The following ETV7 variants were observed in gnomAD, a reference collection of about 807,000 sequenced individuals.
The protein encoded by ETV7 is transcription factor ETV7.
ETV7 carries 43 observed loss-of-function variants against 39.1 expected under a neutral mutation model. That is an observed-to-expected ratio of 1.10 (90% CI 0.86 to 1.42). ETV7 has a LOEUF of 1.42. Among genes scored for constraint, ETV7 ranks in the 40% most tolerant of loss-of-function variants. The pLI is 0.00. For synonymous variants in ETV7, 196 were observed against 176.6 expected (o/e 1.11, Z -0.87); for missense variants, 432 against 442.3 (o/e 0.98, Z 0.21).
At chr6:36,362,869 A>G (rs565160316), downstream of ETV7, among the ~76,000 whole-genome samples, 1 of 152,184 alleles carries the variant, frequency 6.6e-6, no homozygotes, top group South Asian at 2.1e-4. Flanking sequence ...ACATCCATCA[A>G]CCCACCAGCA....
downstream of ETV7, among the ~76,000 whole-genome samples, chr6:36,365,812 G>A (rs964895591): frequency 6.6e-6 from 1 of 152,144 alleles, no homozygotes; most frequent in African/African-American, 2.4e-5. Context: ...CCTGAATGCC[G>A]AGTGAATTAA....
downstream of ETV7, chr6:36,366,155 C>T: frequency 2.0e-6 from 2 of 984,556 alleles, no homozygotes; most frequent in Non-Finnish European, 1.2e-6. Context: ...CCCTGGGTGA[C>T]AGCGCAAGAC....
chr6:36,366,163 G>A, downstream of ETV7: 1 of 997,970 alleles, frequency 1.0e-6, no homozygotes, highest in South Asian at 4.3e-5. Context: ...GACAGCGCAA[G>A]ACTGTCTCAA....
At chr6:36,383,431 A>T (rs915703586) in intron 2 of ETV7, among the ~76,000 whole-genome samples, 12 of 152,192 alleles carry the variant, frequency 7.9e-5, no homozygotes, top group African/African-American at 2.4e-4. Context: ...CTACAGGAAA[A>T]TAACTTCCGT....
intron 2 of ETV7, 58 bp from the exon 3 acceptor site, chr6:36,376,093 A>G: frequency 6.7e-7 from 1 of 1,495,218 alleles, no homozygotes. Flanking sequence ...AAAGAAGCCC[A>G]CCCTGAACAC....
chr6:36,385,405 GA>G, intron 2 of ETV7, 128 bp downstream of exon 2: 1 of 1,106,868 alleles, frequency 9.0e-7, no homozygotes, highest in Non-Finnish European at 1.3e-6. Context: ...GCTGGAAGTT[GA>G]AGGTGCAGTG....
In ETV7 at chr6:36,378,814, C is replaced by T. The variant is rs556402068; in HGVS notation, c.143-2779G>A. Among the ~76,000 whole-genome samples the T allele has an allele frequency of 5.2e-4, 79 of 152,328 alleles. No homozygotes were observed. The South Asian group carries it at 0.012, about 22-fold the overall frequency. On this transcript the variant is annotated intron_variant, in intron 2 of 7. Coordinates refer to ENST00000340181, the MANE Select transcript of ETV7 (RefSeq NM_016135.4). ...TAACAACTAAAAATGTCTCCAGACACGGCCAAATGTCCCCGGGGGGAAAGG... is the reference window on the plus strand; with the variant it reads ...TAACAACTAAAAATGTCTCCAGACATGGCCAAATGTCCCCGGGGGGAAAGG...
At chr6:36,374,288 T>C (rs968130898) in intron 3 of ETV7, among the ~76,000 whole-genome samples, 1 of 151,472 alleles carries the variant, frequency 6.6e-6, no homozygotes, top group Non-Finnish European at 1.5e-5. Flanking sequence ...ACCCAGGAGG[T>C]TGAGGCACAA....
At chr6:36,364,449 A>C (rs1308278732), downstream of ETV7, among the ~76,000 whole-genome samples, 1 of 152,176 alleles carries the variant, frequency 6.6e-6, no homozygotes, top group East Asian at 1.9e-4. Flanking sequence ...GGGACCCAGT[A>C]CACCCTCCGC....
intron 7 of ETV7, among the ~76,000 whole-genome samples, chr6:36,360,650 C>G (rs769854830): frequency 7.2e-5 from 11 of 152,168 alleles, no homozygotes; most frequent in Non-Finnish European, 1.5e-4. Context: ...CGGCCCCACA[C>G]TAACACAAAA....
rs963345772 is a variant in ETV7 at position 36,366,332 on chromosome 6, T to C, written c.*313A>G. On this transcript the variant is annotated 3_prime_UTR_variant, in exon 8 of 8. Transcript: ENST00000340181. The stretch of plus-strand genomic sequence containing the variant: ...AGTGAGGGACTTCATTCCCTTCATC[T>C]GGTAAATTCCATTTACAGGGGTGGG... 9 of 1,161,936 alleles carry C rather than the reference T, an allele frequency of 7.7e-6. No individual in the cohort carries two copies. The highest frequency in any genetic ancestry group is 9.6e-6 in the Non-Finnish European group (9 of 938,444). The allele number at this position is 1,161,936 out of a possible 1,614,324, so 72.0% of individuals were successfully genotyped here.
chr6:36,362,115 G>A (rs1772507858), downstream of ETV7, among the ~76,000 whole-genome samples: 1 of 152,064 alleles, frequency 6.6e-6, no homozygotes, highest in Non-Finnish European at 1.5e-5. Context: ...TGGCTAACAT[G>A]GTGAAACCTT....
chr6:36,365,316 GC>G (rs1379892714), downstream of ETV7, among the ~76,000 whole-genome samples: 4 of 152,188 alleles, frequency 2.6e-5, no homozygotes, highest in Admixed American at 1.3e-4. Context: ...GTGTTTTCAT[GC>G]TTCAGAGCAG....
Position 36,387,588 on chromosome 6 carries a change from C to T in ETV7, c.-47G>A. 6.2e-7 allele frequency: 1 copy of T among 1,612,420 alleles called. No homozygotes were observed. Among genetic ancestry groups the T allele is most frequent in the Admixed American group, 1.7e-5 (1 of 59,934 alleles). On this transcript the variant is annotated 5_prime_UTR_variant, in exon 1 of 8. Coordinates refer to ENST00000340181, the MANE Select transcript of ETV7 (RefSeq NM_016135.4). ...CACCGGCTTTCTGTCTTGAGCGCTC[C>T]CCTGGCTGTGGCTGCTGGGGCCCTA...
At position 36,366,620 on chromosome 6, in the gene ETV7, C is replaced by T. The variant is rs114708847; in HGVS notation, c.*25G>A. The stretch of plus-strand genomic sequence containing the variant: ...GACTCGGTCCCTGCCCCATCGGTAC[C>T]GGGTGCCTGGAGTCCACCTGCCCCT... On this transcript the variant is annotated 3_prime_UTR_variant, in exon 8 of 8. Coordinates refer to ENST00000340181, the MANE Select transcript of ETV7 (RefSeq NM_016135.4). The T allele has an allele frequency of 1.3e-3, 2,115 of 1,614,030 alleles. 24 individuals carry two copies. In the African/African-American group the frequency reaches 0.022, roughly 17 times the overall value.
chr6:36,379,389 A>C (rs1157689202), intron 2 of ETV7, among the ~76,000 whole-genome samples: 1 of 152,068 alleles, frequency 6.6e-6, no homozygotes, highest in East Asian at 1.9e-4. Context: ...ACAAACAAAA[A>C]AATTTTTTTT....
intron 7 of ETV7, among the ~76,000 whole-genome samples, chr6:36,356,161 C>T (rs1242639625): frequency 2.0e-5 from 3 of 151,996 alleles, no homozygotes; most frequent in Non-Finnish European, 2.9e-5. Flanking sequence ...TGGCTGGGCA[C>T]AGTGGCTCAC....
At chr6:36,372,809 A>G (rs960416318) in intron 4 of ETV7, among the ~76,000 whole-genome samples, 2 of 148,110 alleles carry the variant, frequency 1.4e-5, no homozygotes. Flanking sequence ...GTGGGTGCAC[A>G]TATCTGGAAT....
At chr6:36,373,391 C>A in intron 4 of ETV7, 62 bp downstream of exon 4, 3 of 1,450,990 alleles carry the variant, frequency 2.1e-6, no homozygotes, top group Non-Finnish European at 2.7e-6. Context: ...TGAGGATGTC[C>A]TGCCCTCCCA....
Sources: gnomAD v4.1 joint callset for allele counts (sites outside exome capture counted in the v4.1 genomes callset) on GRCh38, gnomAD v4.1.1 for gene constraint, MANE v1.5 for transcripts, NCBI Gene and HGNC (gene_info 2026-07-23, HGNC 2026-07-21) for gene names.